Variants in XKR9 observed in about 807,000 individuals in gnomAD.
The protein encoded by XKR9 is XK related 9.
Under a neutral mutation model 32.0 loss-of-function variants are expected in XKR9, and 32 were observed. That is an observed-to-expected ratio of 1.00 (90% CI 0.76 to 1.34). The LOEUF is 1.34. Ranked by LOEUF, XKR9 falls within the 40% of genes most tolerant of loss-of-function variation. XKR9 has a pLI of 0.00. For synonymous variants in XKR9, 168 were observed against 143.4 expected (o/e 1.17, Z -1.22); for missense variants, 546 against 429.7 (o/e 1.27, Z -2.39).
At chr8:70,851,334 T>C in the XKR9 span, among the ~76,000 whole-genome samples, 1 of 152,168 alleles carries the variant, frequency 6.6e-6, no homozygotes, top group Non-Finnish European at 1.5e-5. Flanking sequence ...GAAGAATCAA[T>C]ATCATGAAAA....
the XKR9 span, among the ~76,000 whole-genome samples, chr8:70,979,971 T>C: frequency 1.3e-5 from 2 of 152,226 alleles, no homozygotes; most frequent in Non-Finnish European, 2.9e-5. Context: ...CAATGGTGGA[T>C]GCCCCTCCCC....
At chr8:70,752,057 AT>A (rs527422811) in intron 2 of XKR9, among the ~76,000 whole-genome samples, 1 of 152,008 alleles carries the variant, frequency 6.6e-6, no homozygotes, top group African/African-American at 2.4e-5. Flanking sequence ...CATCCAATTG[AT>A]TTTTTTGTCT....
At chr8:71,039,422 A>T in the XKR9 span, among the ~76,000 whole-genome samples, 1 of 152,208 alleles carries the variant, frequency 6.6e-6, no homozygotes, top group Admixed American at 6.5e-5. Context: ...AAAGTGTTGC[A>T]TATCTCATGT....
the XKR9 span, among the ~76,000 whole-genome samples, chr8:70,806,590 G>GA: frequency 6.6e-6 from 1 of 152,088 alleles, no homozygotes. Flanking sequence ...CATGGAGCTG[G>GA]AAAACACAGC....
At chr8:70,859,816 G>T in the XKR9 span, among the ~76,000 whole-genome samples, 1 of 152,120 alleles carries the variant, frequency 6.6e-6, no homozygotes, top group Non-Finnish European at 1.5e-5. Flanking sequence ...TAGAATGATA[G>T]CTACCAGAGG....
the XKR9 span, among the ~76,000 whole-genome samples, chr8:70,864,241 T>C: frequency 2.0e-5 from 3 of 152,200 alleles, no homozygotes; most frequent in Non-Finnish European, 4.4e-5. Context: ...TCAAATAGCT[T>C]GGAGTTTAAA....
chr8:70,738,703 A>G (rs1474646773), downstream of XKR9, among the ~76,000 whole-genome samples: 1 of 151,920 alleles, frequency 6.6e-6, no homozygotes, highest in Non-Finnish European at 1.5e-5. Flanking sequence ...GAACATCTTT[A>G]TTTCTGCCTT....
chr8:70,733,614 A>G (rs576174128), intron 4 of XKR9, among the ~76,000 whole-genome samples, 182 bp from the exon 5 acceptor site: 1 of 152,212 alleles, frequency 6.6e-6, no homozygotes, highest in East Asian at 1.9e-4. Flanking sequence ...CAAGCAGTGT[A>G]TCTCTCCAAG....
the XKR9 span, among the ~76,000 whole-genome samples, chr8:70,882,541 A>T: frequency 1.3e-5 from 2 of 151,930 alleles, no homozygotes; most frequent in East Asian, 3.9e-4. Flanking sequence ...TTGGTATAGT[A>T]TGAGTTTAAA....
chr8:70,923,586 T>A, the XKR9 span, among the ~76,000 whole-genome samples: 1 of 152,230 alleles, frequency 6.6e-6, no homozygotes, highest in Non-Finnish European at 1.5e-5. Flanking sequence ...TATGTTTTTG[T>A]AAAATGTGCA....
the XKR9 span, among the ~76,000 whole-genome samples, chr8:70,998,615 T>C: frequency 6.6e-6 from 1 of 152,244 alleles, no homozygotes; most frequent in Non-Finnish European, 1.5e-5. Context: ...TTTAGTCCAA[T>C]GGTTCTCAAA....
At chr8:70,905,268 A>T in the XKR9 span, among the ~76,000 whole-genome samples, 309 of 152,292 alleles carry the variant, frequency 2.0e-3, no homozygotes, top group African/African-American at 7.2e-3. Context: ...AATCAGATGT[A>T]GATTTGGTGT....
At chr8:70,787,653 C>T (rs1295582957) in intron 2 of XKR9, among the ~76,000 whole-genome samples, 1 of 152,076 alleles carries the variant, frequency 6.6e-6, no homozygotes, top group East Asian at 1.9e-4. Context: ...AGAGAATACA[C>T]CTCCATGGCT....
the XKR9 span, among the ~76,000 whole-genome samples, chr8:70,958,871 G>A: frequency 2.0e-5 from 3 of 151,942 alleles, no homozygotes; most frequent in Admixed American, 6.6e-5. Context: ...GACAATAAAA[G>A]TACTCATTTC....
intron 2 of XKR9, among the ~76,000 whole-genome samples, chr8:70,747,824 AT>A (rs1293365920): frequency 6.6e-6 from 1 of 152,124 alleles, no homozygotes; most frequent in Admixed American, 6.5e-5. Context: ...ACTTGACATT[AT>A]TTTTTGGATG....
At chr8:70,764,604 T>C (rs1807350627) in intron 2 of XKR9, among the ~76,000 whole-genome samples, 1 of 152,192 alleles carries the variant, frequency 6.6e-6, no homozygotes, top group Non-Finnish European at 1.5e-5. Flanking sequence ...TATTTTGTTT[T>C]ATTATACTTT....
the XKR9 span, among the ~76,000 whole-genome samples, chr8:70,983,782 AAAATAAAT>A: frequency 0.1 from 15,023 of 150,106 alleles, 825 homozygotes; most frequent in Middle Eastern, 0.14. Flanking sequence ...ACTTCATCTC[AAAATAAAT>A]AAATAAATAA....
At chr8:70,993,653 CCTTCCTT>C in the XKR9 span, among the ~76,000 whole-genome samples, 9 of 150,848 alleles carry the variant, frequency 6.0e-5, no homozygotes, top group African/African-American at 2.2e-4. Context: ...TTCCTTCCTT[CCTTCCTT>C]CCTTCCTTCC....
intron 2 of XKR9, among the ~76,000 whole-genome samples, chr8:70,755,329 A>G (rs1807205058): frequency 6.6e-6 from 1 of 152,220 alleles, no homozygotes; most frequent in African/African-American, 2.4e-5. Context: ...AACTAGTTCA[A>G]CCATTGTGGA....
Sources: allele counts gnomAD v4.1 joint callset (sites outside exome capture counted in the v4.1 genomes callset), GRCh38; gene constraint gnomAD v4.1.1; transcripts MANE v1.5; gene names NCBI Gene and HGNC (gene_info 2026-07-23, HGNC 2026-07-21).